Variants in TPRG1 observed in about 807,000 individuals in gnomAD.
TPRG1 encodes the protein tumor protein p63-regulated gene 1 protein.
In TPRG1, 29 loss-of-function variants were observed where a neutral mutation model predicts 29.3. The observed-to-expected ratio is 0.99, with a 90% CI of 0.74 to 1.35. The LOEUF (loss-of-function observed/expected upper bound fraction) is 1.35, where lower values mean the gene tolerates loss of function less well. Among genes scored for constraint, TPRG1 ranks in the 40% most tolerant of loss-of-function variants. TPRG1 has a pLI of 0.00. For synonymous variants in TPRG1, 130 were observed against 116.8 expected (o/e 1.11, Z -0.73); for missense variants, 327 against 335.0 (o/e 0.98, Z 0.19).
chr3:189,289,417 T>TC (rs1437744693), intron 4 of TPRG1, among the ~76,000 whole-genome samples: 14 of 151,784 alleles, frequency 9.2e-5, no homozygotes, highest in African/African-American at 3.4e-4. Context: ...TTTTTTTTTT[T>TC]CTCTTGCTTC....
Position 189,195,815 on chromosome 3 carries a change from G to A in TPRG1, c.-9-11561G>A, listed in dbSNP as rs1281263122. Among the ~76,000 whole-genome samples, 4 of 152,176 alleles carry A rather than the reference G, an allele frequency of 2.6e-5. No homozygotes were observed. The East Asian group carries it at 5.8e-4, about 22-fold the overall frequency. On this transcript the variant is annotated intron_variant, in intron 1 of 5. Coordinates refer to ENST00000345063, the MANE Select transcript of TPRG1 (RefSeq NM_198485.4). ...TCCTAGGTGATCCTGATTAAGGGATGGAGTGGTAGAGGCCTGGCATTTCCT... is the reference window on the plus strand; with the variant it reads ...TCCTAGGTGATCCTGATTAAGGGATAGAGTGGTAGAGGCCTGGCATTTCCT...
intron 4 of TPRG1, among the ~76,000 whole-genome samples, chr3:189,273,777 C>T (rs146418381): frequency 6.6e-6 from 1 of 152,238 alleles, no homozygotes; most frequent in African/African-American, 2.4e-5. Context: ...CTCACTCTAC[C>T]CCTCTTCCAA....
intron 4 of TPRG1, among the ~76,000 whole-genome samples, chr3:189,059,470 T>G (rs955158222): frequency 3.3e-5 from 5 of 152,118 alleles, no homozygotes; most frequent in Admixed American, 2.0e-4. Flanking sequence ...CATGCGCCTG[T>G]AGTCCCAGCT....
At chr3:189,041,523 A>G (rs570528087) in intron 4 of TPRG1, among the ~76,000 whole-genome samples, 2 of 152,218 alleles carry the variant, frequency 1.3e-5, no homozygotes, top group South Asian at 4.1e-4. Context: ...GGGAGATATT[A>G]TTGTTTCTAA....
chr3:189,224,394 C>T (rs1196272760), intron 3 of TPRG1, among the ~76,000 whole-genome samples: 4 of 152,194 alleles, frequency 2.6e-5, no homozygotes, highest in South Asian at 4.2e-4. Context: ...GCAGGAGAAT[C>T]GCTTGAACCT....
At chr3:189,013,513 G>C (rs1339950939) in intron 3 of TPRG1, among the ~76,000 whole-genome samples, 1 of 152,022 alleles carries the variant, frequency 6.6e-6, no homozygotes, top group African/African-American at 2.4e-5. Flanking sequence ...TGGGTCAAAG[G>C]GTTCTGTAGA....
chr3:189,016,330 C>A (rs548000947), intron 3 of TPRG1, among the ~76,000 whole-genome samples: 1 of 151,998 alleles, frequency 6.6e-6, no homozygotes, highest in Non-Finnish European at 1.5e-5. Context: ...AATTGTGCTG[C>A]CATTGTATTT....
chr3:189,080,702 A>G (rs947862818), intron 4 of TPRG1, among the ~76,000 whole-genome samples: 2 of 152,098 alleles, frequency 1.3e-5, no homozygotes, highest in Admixed American at 1.3e-4. Context: ...GGAAAATGGG[A>G]CCTAAAAGAT....
chr3:189,130,598 A>G (rs1337647371), intron 2 of TPRG1, among the ~76,000 whole-genome samples: 1 of 152,140 alleles, frequency 6.6e-6, no homozygotes, highest in Non-Finnish European at 1.5e-5. Flanking sequence ...ATGGACTGTA[A>G]TAGGATGAAA....
intron 1 of TPRG1, chr3:189,123,627 G>A (rs990235753): frequency 4.6e-5 from 7 of 152,132 alleles, no homozygotes; most frequent in Admixed American, 3.9e-4. Flanking sequence ...GACCAGACTC[G>A]GATTTTAAAT....
At chr3:189,086,313 G>C (rs1338708239) in intron 4 of TPRG1, among the ~76,000 whole-genome samples, 3 of 151,856 alleles carry the variant, frequency 2.0e-5, no homozygotes, top group Non-Finnish European at 4.4e-5. Flanking sequence ...TGCCCACCCA[G>C]ATTGTGGGTG....
At chr3:189,009,377 A>T (rs1025042703) in intron 3 of TPRG1, among the ~76,000 whole-genome samples, 1 of 152,150 alleles carries the variant, frequency 6.6e-6, no homozygotes, top group Non-Finnish European at 1.5e-5. Flanking sequence ...AAATGTAAAT[A>T]ATACCTAAGA....
intron 4 of TPRG1, 151 bp from the exon 5 acceptor site, chr3:189,310,235 C>A (rs931763766): frequency 3.6e-6 from 2 of 548,262 alleles, no homozygotes; most frequent in East Asian, 6.6e-5. Flanking sequence ...TTTTTAAAAC[C>A]TAATTCACCT....
chr3:189,070,319 C>G (rs1305723561), intron 4 of TPRG1, among the ~76,000 whole-genome samples: 1 of 151,982 alleles, frequency 6.6e-6, no homozygotes, highest in East Asian at 1.9e-4. Context: ...ACAAGGAACC[C>G]TTGGATGAGG....
intron 4 of TPRG1, among the ~76,000 whole-genome samples, chr3:189,307,554 T>C (rs1181239804): frequency 2.6e-5 from 4 of 152,356 alleles, no homozygotes; most frequent in East Asian, 3.9e-4. Context: ...CTTTTAACTT[T>C]GTGTCTATTG....
At chr3:189,089,428 A>T (rs1355151898) in intron 4 of TPRG1, among the ~76,000 whole-genome samples, 1 of 152,204 alleles carries the variant, frequency 6.6e-6, no homozygotes, top group Non-Finnish European at 1.5e-5. Context: ...ATTCTCTCTT[A>T]ACATTTTCAA....
chr3:189,188,176 G>A (rs146244690), intron 1 of TPRG1, among the ~76,000 whole-genome samples: 88 of 152,344 alleles, frequency 5.8e-4, no homozygotes, highest in Admixed American at 2.1e-3. Flanking sequence ...CTAGAGAACA[G>A]ATGCATTTCA....
intron 1 of TPRG1, among the ~76,000 whole-genome samples, chr3:189,188,179 G>A (rs1001613871): frequency 3.9e-5 from 6 of 152,216 alleles, no homozygotes; most frequent in Non-Finnish European, 8.8e-5. Context: ...GAGAACAGAT[G>A]CATTTCAAGA....
intron 4 of TPRG1, among the ~76,000 whole-genome samples, chr3:189,082,614 G>A (rs1188225083): frequency 1.3e-5 from 2 of 152,088 alleles, no homozygotes; most frequent in Non-Finnish European, 2.9e-5. Context: ...TTGAGCAACC[G>A]AGACAGGTAC....
Sources: allele counts gnomAD v4.1 joint callset (sites outside exome capture counted in the v4.1 genomes callset), GRCh38; gene constraint gnomAD v4.1.1; transcripts MANE v1.5; gene names NCBI Gene and HGNC (gene_info 2026-07-23, HGNC 2026-07-21).